CDYL: variants seen among roughly 807,000 people sequenced by gnomAD.
The protein encoded by CDYL is chromodomain Y like.
A neutral mutation model predicts 47.3 loss-of-function variants in CDYL; 8 were observed. The observed-to-expected ratio is 0.17, with a 90% CI of 0.10 to 0.31. The LOEUF (loss-of-function observed/expected upper bound fraction) is 0.31. Among genes scored for constraint, CDYL ranks in the 10% least tolerant of loss-of-function variants. The pLI, the probability that CDYL is intolerant of heterozygous loss-of-function variation, is 1.00. For synonymous variants in CDYL, 266 were observed against 265.0 expected, an observed-to-expected ratio of 1.00 and a Z score of -0.04; for missense variants, 471 against 701.4, an observed-to-expected ratio of 0.67 and a Z score of 3.71.
chr6:4,710,948 A>G (rs1447126993), intron 1 of CDYL, among the ~76,000 whole-genome samples: 1 of 146,734 alleles, frequency 6.8e-6, no homozygotes, highest in Admixed American at 6.8e-5. Context: ...CACACACACA[A>G]AGGTAACTGT....
intron 1 of CDYL, among the ~76,000 whole-genome samples, chr6:4,793,658 A>C (rs1423635564): frequency 1.3e-5 from 2 of 152,308 alleles, no homozygotes; most frequent in East Asian, 1.9e-4. Flanking sequence ...CGGGAGACCA[A>C]CTAGGAGGCT....
intron 1 of CDYL, among the ~76,000 whole-genome samples, chr6:4,863,324 A>G (rs977643844): frequency 6.6e-6 from 1 of 152,206 alleles, no homozygotes; most frequent in African/African-American, 2.4e-5. Context: ...CATTGTAACA[A>G]ACTTGTACAT....
chr6:4,838,477 T>C (rs942260451), intron 1 of CDYL, among the ~76,000 whole-genome samples: 1 of 152,262 alleles, frequency 6.6e-6, no homozygotes, highest in African/African-American at 2.4e-5. Context: ...GCAAATGCCA[T>C]TATTTCATTT....
chr6:4,789,965 C>T (rs1437261882), intron 1 of CDYL, among the ~76,000 whole-genome samples: 24 of 152,176 alleles, frequency 1.6e-4, no homozygotes, highest in Non-Finnish European at 3.5e-4. Context: ...CTCCCCCTTC[C>T]CTGTGGGTTA....
At chr6:4,931,493 C>T (rs1758032125) in intron 2 of CDYL, among the ~76,000 whole-genome samples, 1 of 152,112 alleles carries the variant, frequency 6.6e-6, no homozygotes, top group Non-Finnish European at 1.5e-5. Context: ...ATGCAAAGGT[C>T]CTGAGATGGG....
chr6:4,757,513 C>T (rs761454894), intron 3 of CDYL, among the ~76,000 whole-genome samples: 1 of 152,164 alleles, frequency 6.6e-6, no homozygotes, highest in Non-Finnish European at 1.5e-5. Context: ...AGCCCAAGCT[C>T]TTTGTTTTAG....
At chr6:4,884,716 A>G (rs893017356) in intron 1 of CDYL, among the ~76,000 whole-genome samples, 30 of 152,214 alleles carry the variant, frequency 2.0e-4, no homozygotes, top group African/African-American at 7.0e-4. Context: ...AGGCATGCCC[A>G]TTATAAGCAT....
intron 4 of CDYL, among the ~76,000 whole-genome samples, chr6:4,943,182 A>G (rs1195772392): frequency 1.3e-5 from 2 of 152,208 alleles, no homozygotes; most frequent in Non-Finnish European, 2.9e-5. Context: ...GAAGCCCAGA[A>G]TATGTACTGG....
intron 1 of CDYL, among the ~76,000 whole-genome samples, chr6:4,784,747 C>T (rs1180437041): frequency 6.6e-6 from 1 of 152,178 alleles, no homozygotes; most frequent in Non-Finnish European, 1.5e-5. Context: ...GCTGTGTCCT[C>T]ACCCAGATCT....
At chr6:4,751,930 C>A (rs1022502301) in intron 3 of CDYL, among the ~76,000 whole-genome samples, 2 of 152,134 alleles carry the variant, frequency 1.3e-5, no homozygotes, top group Non-Finnish European at 2.9e-5. Context: ...GGCTCTGGGC[C>A]CGGCATGAAT....
chr6:4,736,038 G>A (rs1398899637), intron 3 of CDYL, among the ~76,000 whole-genome samples: 1 of 152,040 alleles, frequency 6.6e-6, no homozygotes, highest in Non-Finnish European at 1.5e-5. Flanking sequence ...GGGAAATGTT[G>A]TACCCTTTGA....
At position 4,928,304 on chromosome 6, in the gene CDYL, G is replaced by A. The variant is rs146810748; in HGVS notation, c.692-7211G>A. On this transcript the variant is annotated intron_variant, in intron 2 of 6. Coordinates refer to ENST00000397588, the MANE Select transcript of CDYL (RefSeq NM_004824.4). ...GGGGGCTGTCTTTTTATGTTTCTTA[G>A]TACAATTTGATGTTTTCTGTTTGTT... Among the ~76,000 whole-genome samples the A allele has an allele frequency of 2.8e-3, 429 of 152,188 alleles. 2 individuals carry two copies. Among genetic ancestry groups the A allele is most frequent in the African/African-American group, 7.7e-3 (319 of 41,530 alleles).
chr6:4,898,533 C>T (rs528315748), intron 2 of CDYL, among the ~76,000 whole-genome samples: 15 of 152,290 alleles, frequency 9.8e-5, no homozygotes, highest in African/African-American at 2.9e-4. Flanking sequence ...AGAAATCAAA[C>T]GAGAGGGGAG....
intron 3 of CDYL, 62 bp downstream of exon 3, chr6:4,935,833 G>A: frequency 6.3e-7 from 1 of 1,599,238 alleles, no homozygotes; most frequent in Non-Finnish European, 8.5e-7. Context: ...TTCCAGGCCT[G>A]CCTGGCTGAA....
At chr6:4,932,298 C>T (rs1758054585) in intron 2 of CDYL, among the ~76,000 whole-genome samples, 1 of 152,204 alleles carries the variant, frequency 6.6e-6, no homozygotes, top group Non-Finnish European at 1.5e-5. Flanking sequence ...CTGCTGAGGG[C>T]TCACTTCCTG....
chr6:4,783,504 C>T (rs2127431373), intron 1 of CDYL, among the ~76,000 whole-genome samples: 1 of 151,712 alleles, frequency 6.6e-6, no homozygotes, highest in African/African-American at 2.4e-5. Flanking sequence ...GTAGCCTCTG[C>T]CTCACTGGTT....
intron 3 of CDYL, among the ~76,000 whole-genome samples, chr6:4,752,184 A>G (rs530104392): frequency 6.6e-6 from 1 of 152,222 alleles, no homozygotes; most frequent in East Asian, 1.9e-4. Context: ...GGTGCTCCTG[A>G]GAATTCTGCT....
intron 1 of CDYL, among the ~76,000 whole-genome samples, chr6:4,813,672 T>TTA (rs1759589309): frequency 6.6e-6 from 1 of 152,258 alleles, no homozygotes; most frequent in Non-Finnish European, 1.5e-5. Flanking sequence ...ATCCGATTGT[T>TTA]ATTAGAATCT....
chr6:4,885,278 G>A (rs372146520), intron 1 of CDYL, among the ~76,000 whole-genome samples: 3 of 152,202 alleles, frequency 2.0e-5, no homozygotes, highest in African/African-American at 4.8e-5. Context: ...ACAGACGTGA[G>A]CTACTGTGCC....
Sources: gnomAD v4.1 joint callset for allele counts (sites outside exome capture counted in the v4.1 genomes callset) on GRCh38, gnomAD v4.1.1 for gene constraint, MANE v1.5 for transcripts, NCBI Gene and HGNC (gene_info 2026-07-23, HGNC 2026-07-21) for gene names.